Variants in NR2C2 observed in about 807,000 individuals in gnomAD.
The protein encoded by NR2C2 is Nuclear hormone receptor TR4.
A neutral mutation model predicts 62.9 loss-of-function variants in NR2C2; 6 were observed. The observed-to-expected ratio is 0.10, with a 90% confidence interval of 0.05 to 0.19. The LOEUF (loss-of-function observed/expected upper bound fraction) is 0.19, where lower values mean the gene tolerates loss of function less well. Ranked by LOEUF, NR2C2 falls within the 10% of genes least tolerant of loss-of-function variation. The probability of loss-of-function intolerance (pLI) is 1.00; values close to 1 mark genes in which losing one functional copy is unlikely to be tolerated. For synonymous variants in NR2C2, 272 were observed against 273.8 expected (o/e 0.99, Z 0.07); for missense variants, 479 against 762.7 (o/e 0.63, Z 4.38).
At chr3:14,958,657 C>T (rs1405829237) in intron 1 of NR2C2, among the ~76,000 whole-genome samples, 1 of 152,170 alleles carries the variant, frequency 6.6e-6, no homozygotes, top group Non-Finnish European at 1.5e-5. Context: ...TTTGTAGTAT[C>T]AAAACAATAG....
intron 6 of NR2C2, 60 bp from the exon 7 acceptor site, chr3:15,024,055 A>G: frequency 8.7e-7 from 1 of 1,148,116 alleles, no homozygotes; most frequent in Non-Finnish European, 1.3e-6. Flanking sequence ...TAAATGCAGC[A>G]TGATCATACT....
chr3:15,006,333 T>A (rs2041170689), intron 2 of NR2C2, among the ~76,000 whole-genome samples: 1 of 152,230 alleles, frequency 6.6e-6, no homozygotes, highest in Admixed American at 6.5e-5. Flanking sequence ...TAAAGCAGGT[T>A]CTTTTTACCC....
chr3:15,016,013 G>C, intron 3 of NR2C2, 139 bp from the exon 4 acceptor site: 1 of 617,146 alleles, frequency 1.6e-6, no homozygotes, highest in Non-Finnish European at 3.0e-6. Context: ...TGTTAGTCAG[G>C]CTGGTCTCGA....
intron 13 of NR2C2, among the ~76,000 whole-genome samples, chr3:15,041,910 G>A (rs755631244): frequency 6.6e-6 from 1 of 152,132 alleles, no homozygotes; most frequent in Non-Finnish European, 1.5e-5. Context: ...AACATTTTGC[G>A]TATTCACTTC....
At chr3:14,977,686 C>T (rs1049510498) in intron 1 of NR2C2, among the ~76,000 whole-genome samples, 2 of 151,920 alleles carry the variant, frequency 1.3e-5, no homozygotes, top group South Asian at 2.1e-4. Context: ...GTAATGTAGC[C>T]GGGCAAAATG....
chr3:15,036,989 G>A (rs113386156), intron 11 of NR2C2, among the ~76,000 whole-genome samples: 3 of 152,136 alleles, frequency 2.0e-5, no homozygotes, highest in African/African-American at 7.2e-5. Flanking sequence ...TGACATGGTG[G>A]TGAGTGCCTG....
At chr3:14,959,418 T>C (rs766409989) in intron 1 of NR2C2, 12 of 152,140 alleles carry the variant, frequency 7.9e-5, no homozygotes, top group Non-Finnish European at 1.6e-4. Context: ...TGAAACTACT[T>C]CTCTCCTCCT....
At chr3:15,023,755 A>G (rs2041741371) in intron 6 of NR2C2, among the ~76,000 whole-genome samples, 2 of 152,228 alleles carry the variant, frequency 1.3e-5, no homozygotes, top group South Asian at 4.1e-4. Context: ...GAAAGAGGGG[A>G]AAACAAGCAA....
intron 5 of NR2C2, among the ~76,000 whole-genome samples, chr3:15,022,037 C>T (rs2041682996): frequency 6.6e-6 from 1 of 152,222 alleles, no homozygotes; most frequent in African/African-American, 2.4e-5. Context: ...TATTTTTACT[C>T]AGAGCAATGA....
intron 1 of NR2C2, among the ~76,000 whole-genome samples, chr3:14,980,488 A>G (rs1466357055): frequency 6.6e-6 from 1 of 152,138 alleles, no homozygotes; most frequent in Non-Finnish European, 1.5e-5. Flanking sequence ...TAAGAATGGG[A>G]AAGCAAGTGC....
Position 15,016,221 on chromosome 3 carries a change from G to C in NR2C2, c.343G>C (p.Glu115Gln). The change falls in exon 4 of 14, where the codon GAG becomes CAG. Residue 115 changes from glutamate to glutamine, a missense_variant. This residue lies in a region of NR2C2 where 115 missense variants were observed against 152.3 expected (regional missense o/e 0.76). Transcript: ENST00000425241. ...KTDVQRPQVV[E>Q]YCVVCGDKAS... is the part of the protein sequence containing the mutation. Reference sequence around the variant, plus strand: ...GGACGTCCAGCGGCCCCAGGTGGTAGAGTACTGTGTGGTCTGTGGCGACAA... The same window carrying C: ...GGACGTCCAGCGGCCCCAGGTGGTACAGTACTGTGTGGTCTGTGGCGACAA... 1 of 1,614,142 alleles carries C rather than the reference G, an allele frequency of 6.2e-7. No individual in the cohort carries two copies. Among genetic ancestry groups the C allele is most frequent in the South Asian group, 1.1e-5 (1 of 91,088 alleles).
rs112640832 is a variant in NR2C2, at chr3:15,042,995, G to A, written c.1778G>A (p.Gly593Glu). The A allele has an allele frequency of 1.2e-5, 20 of 1,613,920 alleles. No homozygotes were observed. Among genetic ancestry groups the A allele is most frequent in the Non-Finnish European group, 1.6e-5 (19 of 1,179,962 alleles). The part of the protein sequence containing the change: ...ETAEYNGQIT[G>E]ASL Reference sequence around the variant, plus strand: ...GCAGAGTATAATGGCCAGATCACCGGAGCCAGTCTATAGCGCAAACCACAC... The same window carrying A: ...GCAGAGTATAATGGCCAGATCACCGAAGCCAGTCTATAGCGCAAACCACAC... Residue 593 changes from glycine to glutamate, a missense_variant, in exon 14 of 14, where the codon GGA becomes GAA. By Grantham distance (98) the Gly-to-Glu change is moderately conservative (BLOSUM62 -2). This residue lies in a region of NR2C2 where 162 missense variants were observed against 296.8 expected (regional missense o/e 0.55). Coordinates refer to ENST00000425241, the MANE Select transcript of NR2C2 (RefSeq NM_001291694.2).
At chr3:15,019,476 T>C (rs1259523041) in intron 4 of NR2C2, among the ~76,000 whole-genome samples, 1 of 152,230 alleles carries the variant, frequency 6.6e-6, no homozygotes, top group Non-Finnish European at 1.5e-5. Context: ...CTCCCACGCT[T>C]ACTGCATGAC....
intron 1 of NR2C2, among the ~76,000 whole-genome samples, chr3:14,985,381 C>T (rs549087623): frequency 1.1e-4 from 17 of 152,190 alleles, no homozygotes; most frequent in African/African-American, 3.1e-4. Flanking sequence ...CCTGTGTTTT[C>T]ACTAAAAGTT....
intron 2 of NR2C2, among the ~76,000 whole-genome samples, chr3:15,009,603 G>A (rs1368245253): frequency 2.0e-5 from 3 of 152,106 alleles, no homozygotes; most frequent in Non-Finnish European, 2.9e-5. Context: ...TCTTCTTAAC[G>A]TTACTTCATT....
At position 15,025,006 on chromosome 3, in the gene NR2C2, T is replaced by C. The variant is rs911703112; in HGVS notation, c.798+798T>C. Reference sequence around the variant, plus strand: ...CAAAATTTAGAGCCCTTGCCTGTCATGGAGAGCTGCCCTGCATGCCTTGGT... The same window carrying C: ...CAAAATTTAGAGCCCTTGCCTGTCACGGAGAGCTGCCCTGCATGCCTTGGT... On this transcript the variant is annotated intron_variant, in intron 7 of 13. Transcript: ENST00000425241. Among the ~76,000 whole-genome samples, 6 of 152,322 alleles carry C rather than the reference T, an allele frequency of 3.9e-5. No individual in the cohort carries two copies. The East Asian group carries it at 9.6e-4, about 24-fold the overall frequency.
chr3:14,959,086 G>A (rs959816251), intron 1 of NR2C2: 3 of 152,304 alleles, frequency 2.0e-5, no homozygotes, highest in South Asian at 2.1e-4. Flanking sequence ...TCTCCTAATT[G>A]ATAACCATTT....
chr3:15,004,537 T>G (rs902565901), intron 2 of NR2C2: 2 of 1,602,114 alleles, frequency 1.2e-6, no homozygotes, highest in African/African-American at 1.3e-5. Flanking sequence ...TATTCACTTA[T>G]GGGAAGTTGT....
At chr3:14,983,517 G>T (rs1272208367) in intron 1 of NR2C2, among the ~76,000 whole-genome samples, 2 of 150,890 alleles carry the variant, frequency 1.3e-5, no homozygotes, top group African/African-American at 4.9e-5. Flanking sequence ...CTAACATTTT[G>T]TTTAGGGATT....
Sources: gnomAD v4.1 joint callset for allele counts (sites outside exome capture counted in the v4.1 genomes callset) on GRCh38, gnomAD v4.1.1 for gene constraint, gnomAD v4.1.1 regional missense constraint, MANE v1.5 for transcripts, NCBI Gene and HGNC (gene_info 2026-07-23, HGNC 2026-07-21) for gene names.